Variants in UNC13A observed in about 807,000 individuals in gnomAD.
The protein encoded by UNC13A is protein unc-13 homolog A.
Under a neutral mutation model 219.7 loss-of-function variants are expected in UNC13A, and 61 were observed. The ratio of observed to expected loss-of-function variants is 0.28; its 90% CI spans 0.23 to 0.34. The LOEUF is 0.34. Among genes scored for constraint, UNC13A ranks in the 10% least tolerant of loss-of-function variants. The pLI, the probability that UNC13A is intolerant of heterozygous loss-of-function variation, is 1.00. For synonymous variants in UNC13A, 920 were observed against 884.6 expected (o/e 1.04, Z -0.71); for missense variants, 1,476 against 2,270.3 (o/e 0.65, Z 7.11).
At chr19:17,639,640 C>T (rs1194556155) in intron 23 of UNC13A, 115 bp from the exon 24 acceptor site, 1 of 1,247,058 alleles carries the variant, frequency 8.0e-7, no homozygotes, top group African/African-American at 1.5e-5. Context: ...TTGATTAGAG[C>T]ACCTCGAAGC....
rs912658605 is a variant in UNC13A at position 17,661,693 on chromosome 19, C to CA, written c.559+1838dup. Reference sequence around the variant, plus strand: ...TGGGTGACAGAGCAAGACTCCATCTCAAAAAAAAGAAAAAAGAAAGAAGGA... The same window carrying CA: ...TGGGTGACAGAGCAAGACTCCATCTCAAAAAAAAAGAAAAAAGAAAGAAGGA... On this transcript the variant is annotated intron_variant, in intron 8 of 43. Transcript: ENST00000519716. Among the ~76,000 whole-genome samples, 4 of 150,066 alleles carry CA rather than the reference C, an allele frequency of 2.7e-5. No individual in the cohort carries two copies. In the South Asian group the frequency reaches 8.4e-4, roughly 32 times the overall value.
At chr19:17,640,415 ATCAG>A in intron 22 of UNC13A, 92 bp downstream of exon 22, 11 of 1,404,690 alleles carry the variant, frequency 7.8e-6, no homozygotes, top group Non-Finnish European at 1.0e-5. Flanking sequence ...TCACACAGCA[ATCAG>A]GTCTAGACTG....
chr19:17,650,557 A>C (rs1166243160), intron 12 of UNC13A, among the ~76,000 whole-genome samples: 1 of 152,132 alleles, frequency 6.6e-6, no homozygotes, highest in Non-Finnish European at 1.5e-5. Context: ...GGCTCATTGC[A>C]ACCTCTGCCT....
At position 17,606,297 on chromosome 19, in the gene UNC13A, G is replaced by C. The variant is rs750475637; in HGVS notation, c.4869C>G (p.Asp1623Glu). 6.5e-7 allele frequency: 1 copy of C among 1,549,798 alleles called. No homozygotes were observed. Among genetic ancestry groups the C allele is most frequent in the Non-Finnish European group, 8.7e-7 (1 of 1,147,542 alleles). Residue 1623 changes from aspartate to glutamate, a missense_variant, in exon 44 of 44, where the codon GAC becomes GAG. By Grantham distance (45) the Asp-to-Glu change is conservative. Coordinates refer to ENST00000519716, the MANE Select transcript of UNC13A (RefSeq NM_001080421.3). ...TGCGGTCCTCGCGCGCGAAGCAGTA[G>C]TCCTTGACGCACACCTGCAGCTCAT... ...ECYELQVCVK[D>E]YCFAREDRTV...
Position 17,621,885 on chromosome 19 carries a change from TCA to T in UNC13A, c.4204-17_4204-16del. The T allele has an allele frequency of 6.2e-7, 1 of 1,613,928 alleles. No individual in the cohort carries two copies. On this transcript the variant is annotated splice_polypyrimidine_tract_variant and intron_variant, in intron 36 of 43. Transcript: ENST00000519716. ...AAGAGGTTCCCCTGCAGAGATAATG[TCA>T]CAGGGTGATCAACCTGGCAAGTCGT... is the stretch of plus-strand genomic sequence containing the variant.
At chr19:17,623,375 T>TC (rs2076749375) in intron 36 of UNC13A, 167 bp downstream of exon 36, 4 of 337,332 alleles carry the variant, frequency 1.2e-5, no homozygotes, top group Non-Finnish European at 2.2e-5. Flanking sequence ...CCCCGCCCCC[T>TC]CCCCATGCCC....
Position 17,676,000 on chromosome 19 carries a change from G to C in UNC13A, c.52+12C>G. On this transcript the variant is annotated intron_variant, in intron 2 of 43. Coordinates refer to ENST00000519716, the MANE Select transcript of UNC13A (RefSeq NM_001080421.3). ...GACAACACGGGACAGGACAGCAAGA[G>C]AAGCCACTTACCTTGGGCACCATCA... 1 of 1,551,434 alleles carries C rather than the reference G, an allele frequency of 6.4e-7. No individual in the cohort carries two copies. The highest frequency in any genetic ancestry group is 8.7e-7 in the Non-Finnish European group (1 of 1,146,954).
chr19:17,681,464 G>T (rs2080016936), intron 1 of UNC13A, among the ~76,000 whole-genome samples: 1 of 152,280 alleles, frequency 6.6e-6, no homozygotes, highest in South Asian at 2.1e-4. Flanking sequence ...GACCTCAGCT[G>T]TGCTGGTTTC....
chr19:17,659,317 C>T (rs1464936806), intron 8 of UNC13A, among the ~76,000 whole-genome samples: 1 of 151,830 alleles, frequency 6.6e-6, no homozygotes, highest in Non-Finnish European at 1.5e-5. Context: ...GTGGCATGTG[C>T]CTGTAATCCC....
At chr19:17,638,168 T>G (rs2145031623) in intron 25 of UNC13A, among the ~76,000 whole-genome samples, 1 of 151,808 alleles carries the variant, frequency 6.6e-6, no homozygotes, top group African/African-American at 2.4e-5. Context: ...TTTGTACATC[T>G]TTCCCTCATA....
intron 26 of UNC13A, among the ~76,000 whole-genome samples, chr19:17,633,895 A>G (rs2076884753): frequency 1.3e-5 from 2 of 151,150 alleles, no homozygotes; most frequent in Admixed American, 6.6e-5. Context: ...CCACCCATCC[A>G]TCCATCCATC....
Position 17,623,528 on chromosome 19 carries a change from G to T in UNC13A, c.4203+14C>A, listed in dbSNP as rs999807607. 2.6e-6 allele frequency: 4 copies of T among 1,514,756 alleles called. No individual in the cohort carries two copies. Among genetic ancestry groups the T allele is most frequent in the East Asian group, 5.2e-5 (2 of 38,762 alleles). The allele number at this position is 1,514,756 out of a possible 1,614,324, so 93.8% of individuals were successfully genotyped here. ...AGGACGGACAGACAGACGGACAGAC[G>T]GGACTCTACTTACGATCATCTGTCA... On this transcript the variant is annotated intron_variant, in intron 36 of 43. Transcript: ENST00000519716.
At chr19:17,678,730 G>A (rs2079949067) in intron 1 of UNC13A, among the ~76,000 whole-genome samples, 2 of 152,032 alleles carry the variant, frequency 1.3e-5, no homozygotes, top group Non-Finnish European at 2.9e-5. Context: ...TCCTGGAGGA[G>A]GTCCAGCCTG....
chr19:17,674,728 T>G lies in UNC13A; in HGVS notation c.81A>C (p.Lys27Asn). Residue 27 changes from lysine (K) to asparagine (N), a missense_variant, in exon 3 of 44, where the codon AAA becomes AAC. Transcript: ENST00000519716. The surrounding 1 kb of genome is among the most constrained non-coding windows in gnomAD (Gnocchi z 5.0). ...TGGTCGTGCTCTTGACATTCTGCAC[T>G]TTCAGGGTCACGTACGTGTTGAATT... ...QEKFNTYVTLKVQNVKSTTIA... is the reference protein window; with the variant it reads ...QEKFNTYVTLNVQNVKSTTIA... 5 of 1,613,944 alleles carry G rather than the reference T, an allele frequency of 3.1e-6. No individual in the cohort carries two copies. Among genetic ancestry groups the G allele is most frequent in the Non-Finnish European group, 3.4e-6 (4 of 1,179,872 alleles).
chr19:17,656,000 G>A lies in UNC13A; in HGVS notation c.1166C>T (p.Pro389Leu), dbSNP rs759916821. 73 of 1,579,340 alleles carry A rather than the reference G, an allele frequency of 4.6e-5. No homozygotes were observed. Among genetic ancestry groups the A allele is most frequent in the Non-Finnish European group, 6.2e-5 (72 of 1,163,104 alleles). Reference sequence around the variant, plus strand: ...GTCGGGGGCCTCGGTGGGTGCCACTGGGGCCTTGTCCTCCTTCCCTGGGGC... The same window carrying A: ...GTCGGGGGCCTCGGTGGGTGCCACTAGGGCCTTGTCCTCCTTCCCTGGGGC... ...PAAPGKEDKAPVAPTEAPDMA... is the reference protein window; with the variant it reads ...PAAPGKEDKALVAPTEAPDMA... The change falls in exon 10 of 44, where the codon CCA becomes CTA. Residue 389 changes from proline to leucine, a missense_variant. Pro to Leu is a moderately conservative substitution (Grantham distance 98). Transcript: ENST00000519716.
At chr19:17,611,927 C>T in intron 41 of UNC13A, 72 bp from the exon 42 acceptor site, 1 of 1,361,346 alleles carries the variant, frequency 7.3e-7, no homozygotes, top group Non-Finnish European at 1.0e-6. Context: ...ACCTTGACGG[C>T]CTCCCACCCA....
chr19:17,622,578 G>GT (rs2076739748), intron 36 of UNC13A: 1 of 152,970 alleles, frequency 6.5e-6, no homozygotes, highest in Non-Finnish European at 1.5e-5. Context: ...GTGAAATCTT[G>GT]TAACAGCCTT....
chr19:17,630,622 T>C (rs1189652750), intron 29 of UNC13A, 32 bp downstream of exon 29: 2 of 1,611,118 alleles, frequency 1.2e-6, no homozygotes, highest in Non-Finnish European at 1.7e-6. Flanking sequence ...AGTGGGAAGA[T>C]TAGGAACTTG....
chr19:17,658,084 ACTC>A lies in UNC13A; in HGVS notation c.742_744del (p.Glu248del), dbSNP rs773466315. On this transcript the variant is annotated inframe_deletion, in exon 9 of 44. Transcript: ENST00000519716. ...TACCTGAGGGCTTGTGGCTCAGAGAACTCCTCGTAACTGTGCATGGAGTCACTG... is the reference window on the plus strand; with the variant it reads ...TACCTGAGGGCTTGTGGCTCAGAGAACTCGTAACTGTGCATGGAGTCACTG... 3.1e-6 allele frequency: 5 copies of A among 1,613,256 alleles called. No homozygotes were observed. The highest frequency in any genetic ancestry group is 4.2e-6 in the Non-Finnish European group (5 of 1,179,744).
Sources: gnomAD v4.1 joint callset for allele counts (sites outside exome capture counted in the v4.1 genomes callset) on GRCh38, gnomAD v4.1.1 for gene constraint, Gnocchi (gnomAD v3.1) non-coding constraint, MANE v1.5 for transcripts, NCBI Gene and HGNC (gene_info 2026-07-23, HGNC 2026-07-21) for gene names.